Variants in KCTD1 observed in about 807,000 individuals in gnomAD.
The protein encoded by KCTD1 is potassium channel tetramerization domain containing 1.
Under a neutral mutation model 66.0 loss-of-function variants are expected in KCTD1, and 24 were observed. The observed-to-expected ratio is 0.36, with a 90% CI of 0.26 to 0.51. The LOEUF (loss-of-function observed/expected upper bound fraction) is 0.51, where lower values mean the gene tolerates loss of function less well. Ranked by LOEUF, KCTD1 falls within the 20% of genes least tolerant of loss-of-function variation. The pLI is 0.95. For synonymous variants in KCTD1, 511 were observed against 517.2 expected (o/e 0.99, Z 0.16); for missense variants, 943 against 1,205.2 (o/e 0.78, Z 3.22).
intron 1 of KCTD1, among the ~76,000 whole-genome samples, chr18:26,620,581 A>G (rs1987358537): frequency 6.6e-6 from 1 of 150,626 alleles, no homozygotes; most frequent in Non-Finnish European, 1.5e-5. Flanking sequence ...GGACTAAGGC[A>G]TGCAGCACCA....
chr18:26,542,292 C>T (rs1018149757), intron 1 of KCTD1, among the ~76,000 whole-genome samples: 1 of 152,168 alleles, frequency 6.6e-6, no homozygotes, highest in African/African-American at 2.4e-5. Flanking sequence ...ATTCATACTA[C>T]CTTATCCCTT....
At chr18:26,563,449 C>T (rs547702074) in intron 1 of KCTD1, among the ~76,000 whole-genome samples, 1 of 152,368 alleles carries the variant, frequency 6.6e-6, no homozygotes, top group East Asian at 1.9e-4. Context: ...ACACTTGTCT[C>T]TCATCCTACC....
At chr18:26,495,931 G>T (rs547563097) in intron 2 of KCTD1, among the ~76,000 whole-genome samples, 5 of 152,138 alleles carry the variant, frequency 3.3e-5, no homozygotes, top group Non-Finnish European at 5.9e-5. Context: ...TTTTGTTGGA[G>T]GTAATAGTAG....
upstream of KCTD1, among the ~76,000 whole-genome samples, chr18:26,552,371 G>C (rs528276041): frequency 6.6e-6 from 1 of 152,286 alleles, no homozygotes; most frequent in South Asian, 2.1e-4. Context: ...CTCTACTAAA[G>C]CAACACACAC....
At chr18:26,656,760 G>T (rs900659406) in intron 1 of KCTD1, among the ~76,000 whole-genome samples, 2 of 151,154 alleles carry the variant, frequency 1.3e-5, no homozygotes, top group Non-Finnish European at 3.0e-5. Flanking sequence ...GGGCGCCGCC[G>T]CCCCCTGCGC....
chr18:26,499,918 T>G (rs1982668832), intron 2 of KCTD1, among the ~76,000 whole-genome samples: 1 of 152,104 alleles, frequency 6.6e-6, no homozygotes, highest in Non-Finnish European at 1.5e-5. Flanking sequence ...AGCCCCCAAA[T>G]CTGGGGCAGA....
intron 4 of KCTD1, chr18:26,457,416 C>T (rs1458957238): frequency 6.6e-6 from 1 of 152,160 alleles, no homozygotes; most frequent in African/African-American, 2.4e-5. Flanking sequence ...CTTGGCCAAA[C>T]CAGCACCCTG....
chr18:26,614,447 G>A (rs1987205571), intron 1 of KCTD1, among the ~76,000 whole-genome samples: 1 of 152,236 alleles, frequency 6.6e-6, no homozygotes. Context: ...AAAAGGGGTG[G>A]GGAGAGGCAG....
intron 1 of KCTD1, among the ~76,000 whole-genome samples, chr18:26,609,193 GC>G (rs1987081479): frequency 6.6e-6 from 1 of 152,124 alleles, no homozygotes; most frequent in Non-Finnish European, 1.5e-5. Flanking sequence ...AACAAGTCCT[GC>G]CATGTCAGCC....
chr18:26,569,856 G>T (rs927789766), intron 1 of KCTD1, among the ~76,000 whole-genome samples: 4 of 152,168 alleles, frequency 2.6e-5, no homozygotes, highest in African/African-American at 9.7e-5. Flanking sequence ...CATTGTCTGA[G>T]AAACTGAATT....
In KCTD1 at chr18:26,478,224, T is replaced by G. The variant is rs370370230; in HGVS notation, c.1989-1565A>C. 6.4e-4 allele frequency among the ~76,000 whole-genome samples: 97 copies of G among 152,352 alleles called. No individual in the cohort carries two copies. The South Asian group carries it at 0.019, about 30-fold the overall frequency. ...TATTAAGTGCTTTCCAGATGCCTTG[T>G]ACCATCCTTAGTACTTTATATATGT... is the stretch of plus-strand genomic sequence containing the variant. On this transcript the variant is annotated intron_variant, in intron 2 of 4. Transcript: ENST00000580059.
chr18:26,529,229 C>G (rs1272400069), intron 1 of KCTD1, among the ~76,000 whole-genome samples: 1 of 152,176 alleles, frequency 6.6e-6, no homozygotes, highest in Non-Finnish European at 1.5e-5. Context: ...ATGACCTCTC[C>G]CCTTGCTCTG....
At chr18:26,565,792 G>A (rs776138096) in intron 1 of KCTD1, 3 of 151,626 alleles carry the variant, frequency 2.0e-5, no homozygotes, top group Non-Finnish European at 4.4e-5. Context: ...AGCAGTGGTT[G>A]CTAAACTCTT....
intron 1 of KCTD1, among the ~76,000 whole-genome samples, chr18:26,589,457 G>C (rs1986546900): frequency 6.6e-6 from 1 of 152,142 alleles, no homozygotes; most frequent in Admixed American, 6.5e-5. Context: ...CTGGAGCAAA[G>C]GGGCATAGGT....
At chr18:26,630,445 A>G (rs1177840103), upstream of KCTD1, among the ~76,000 whole-genome samples, 1 of 152,142 alleles carries the variant, frequency 6.6e-6, no homozygotes, top group East Asian at 1.9e-4. Flanking sequence ...GCTTCTGAGT[A>G]GCTAGGACTA....
At position 26,501,122 on chromosome 18, in the gene KCTD1, G is replaced by T; in HGVS notation, c.1938C>A (p.Gly646=). 6.2e-7 allele frequency: 1 copy of T among 1,614,194 alleles called. No individual in the cohort carries two copies. The highest frequency in any genetic ancestry group is 8.5e-7 in the Non-Finnish European group (1 of 1,180,024). ...SNAPVHIDVG[G]HMYTSSLATL... is the part of the protein sequence containing the mutation. ...TGGCCAGGCTGCTGGTGTACATGTG[G>T]CCGCCCACATCAATGTGGACAGGCG... Residue 646 remains glycine (G), a synonymous_variant, in exon 2 of 5, where the codon GGC becomes GGA. Coordinates refer to ENST00000580059, the MANE Select transcript of KCTD1 (RefSeq NM_001142730.3).
intron 3 of KCTD1, among the ~76,000 whole-genome samples, chr18:26,465,759 G>A (rs750413823): frequency 5.9e-5 from 9 of 152,158 alleles, no homozygotes; most frequent in Non-Finnish European, 1.0e-4. Context: ...CAGGAGCTAG[G>A]CCTGATGTCT....
chr18:26,588,871 G>A (rs1568001950), intron 1 of KCTD1, among the ~76,000 whole-genome samples: 1 of 152,112 alleles, frequency 6.6e-6, no homozygotes, highest in Admixed American at 6.5e-5. Context: ...CGAATGCAAA[G>A]CCCTAATATA....
chr18:26,613,978 C>T (rs923326240), intron 1 of KCTD1, among the ~76,000 whole-genome samples: 3 of 152,186 alleles, frequency 2.0e-5, no homozygotes, highest in African/African-American at 4.8e-5. Context: ...CTTAACAGAG[C>T]GTTGCAGCCC....
Sources: gnomAD v4.1 joint callset for allele counts (sites outside exome capture counted in the v4.1 genomes callset) on GRCh38, gnomAD v4.1.1 for gene constraint, MANE v1.5 for transcripts, NCBI Gene and HGNC (gene_info 2026-07-23, HGNC 2026-07-21) for gene names.